The following DCUN1D3 variants were observed in gnomAD, a reference collection of about 807,000 sequenced individuals.
DCUN1D3 encodes the protein defective in cullin neddylation 1 domain containing 3.
Under a neutral mutation model 24.8 loss-of-function variants are expected in DCUN1D3, and 6 were observed. The observed-to-expected ratio is 0.24, with a 90% CI of 0.13 to 0.48. DCUN1D3 has a LOEUF of 0.48. Among genes scored for constraint, DCUN1D3 ranks in the 20% least tolerant of loss-of-function variants. The pLI, the probability that DCUN1D3 is intolerant of heterozygous loss-of-function variation, is 0.99. For synonymous variants in DCUN1D3, 120 were observed against 144.9 expected, an observed-to-expected ratio of 0.83 and a Z score of 1.24; for missense variants, 258 against 379.4, an observed-to-expected ratio of 0.68 and a Z score of 2.66.
In DCUN1D3 at chr16:20,858,261, C is replaced by G. The variant is rs1366655173; in HGVS notation, c.*1625G>C. 6.6e-6 allele frequency: 1 copy of G among 152,586 alleles called. No individual in the cohort carries two copies. The highest frequency in any genetic ancestry group is 1.5e-5 in the Non-Finnish European group (1 of 68,042). 9.5% of individuals were successfully genotyped at this position (152,586 alleles called of 1,614,324 possible). A position where few individuals can be genotyped will look rare whatever the true frequency, so the allele number is the denominator to read the frequency against. On this transcript the variant is annotated 3_prime_UTR_variant, in exon 3 of 3. Transcript: ENST00000324344. ...GTAGGCCCAGAGTGAGCTCCTCAGG[C>G]CCCTGTGGCAGCCTGGCCAAAGCTG...
At position 20,857,735 on chromosome 16, in the gene DCUN1D3, C is replaced by G. The variant is rs530329417; in HGVS notation, c.*2151G>C. Reference sequence around the variant, plus strand: ...GAAGCCAGGCATCTGGCCCAAGACCCCCTTCAGCTTTCTAGCAGTACTATA... The same window carrying G: ...GAAGCCAGGCATCTGGCCCAAGACCGCCTTCAGCTTTCTAGCAGTACTATA... On this transcript the variant is annotated 3_prime_UTR_variant, in exon 3 of 3. Coordinates refer to ENST00000324344, the MANE Select transcript of DCUN1D3 (RefSeq NM_173475.4). 10 of 152,282 alleles carry G rather than the reference C, an allele frequency of 6.6e-5. No homozygotes were observed. In the South Asian group the frequency reaches 2.1e-3, roughly 32 times the overall value. The allele number at this position is 152,282 out of a possible 1,614,324, so 9.4% of individuals were successfully genotyped here. A position where few individuals can be genotyped will look rare whatever the true frequency, so the allele number is the denominator to read the frequency against.
intron 1 of DCUN1D3, among the ~76,000 whole-genome samples, chr16:20,889,025 C>T (rs963972601): frequency 4.6e-5 from 7 of 152,098 alleles, no homozygotes; most frequent in African/African-American, 9.7e-5. Flanking sequence ...GTCAGGAATT[C>T]GAGACCAGTC....
intron 1 of DCUN1D3, among the ~76,000 whole-genome samples, chr16:20,871,900 G>A (rs2081790176): frequency 1.3e-5 from 2 of 152,140 alleles, no homozygotes; most frequent in African/African-American, 4.8e-5. Flanking sequence ...AGCTTTTCCA[G>A]TGACTTTCCC....
rs60644013 is a variant in DCUN1D3 at position 20,872,811 on chromosome 16, C to A, written c.-105-10168G>T. Among the ~76,000 whole-genome samples, 170 of 152,308 alleles carry A rather than the reference C, an allele frequency of 1.1e-3. 3 individuals are homozygous for A. The East Asian group carries it at 0.024, about 21-fold the overall frequency. ...ATATCCTTTCAGTCTTGCTTCACTG[C>A]GAATCACATCAAAAAGGCTAACCAG... On this transcript the variant is annotated intron_variant, in intron 1 of 2. Coordinates refer to ENST00000324344, the MANE Select transcript of DCUN1D3 (RefSeq NM_173475.4).
At position 20,860,425 on chromosome 16, in the gene DCUN1D3, A is replaced by G. The variant is rs1238826837; in HGVS notation, c.432-56T>C. ...ATTATAAACTATACTATTTACAGGCAATATACATAGTGATTAAGAGCAAGG... is the reference window on the plus strand; with the variant it reads ...ATTATAAACTATACTATTTACAGGCGATATACATAGTGATTAAGAGCAAGG... On this transcript the variant is annotated intron_variant, in intron 2 of 2. Transcript: ENST00000324344. This position sits in a 1 kb window ranked among gnomAD's most constrained non-coding sequence, Gnocchi z 4.3. 1.3e-6 allele frequency: 2 copies of G among 1,535,230 alleles called. No individual in the cohort carries two copies. The highest frequency in any genetic ancestry group is 4.5e-5 in the East Asian group (2 of 44,274).
chr16:20,856,279 A>T lies in DCUN1D3; in HGVS notation c.*3607T>A, dbSNP rs1471924219. The T allele has an allele frequency of 2.0e-5, 3 of 152,160 alleles. No homozygotes were observed. The highest frequency in any genetic ancestry group is 2.0e-4 in the Admixed American group (3 of 15,282). 9.4% of individuals were successfully genotyped at this position (152,160 alleles called of 1,614,324 possible). A position where few individuals can be genotyped will look rare whatever the true frequency, so the allele number is the denominator to read the frequency against. On this transcript the variant is annotated 3_prime_UTR_variant, in exon 3 of 3. Coordinates refer to ENST00000324344, the MANE Select transcript of DCUN1D3 (RefSeq NM_173475.4). ...TCTGTTTTGGTTTGTAAACTTTTAG[A>T]CAAGTTCTTATCCCAGTAACTCCCC...
Position 20,859,550 on chromosome 16 carries a change from AAAAAAAAAACAAAAAAAAAC to A in DCUN1D3, c.*316_*335del, listed in dbSNP as rs1282945721. ...TATGCCCTCCCCTACCAAAAAAAAA[AAAAAAAAAACAAAAAAAAAC>A]AAAAAAAAAACCTAAATTTGTGCAA... On this transcript the variant is annotated 3_prime_UTR_variant, in exon 3 of 3. Transcript: ENST00000324344. 6 of 173,018 alleles carry A rather than the reference AAAAAAAAAACAAAAAAAAAC, an allele frequency of 3.5e-5. No homozygotes were observed. The highest frequency in any genetic ancestry group is 1.5e-4 in the African/African-American group (6 of 38,824). 10.7% of individuals were successfully genotyped at this position (173,018 alleles called of 1,614,324 possible). A position where few individuals can be genotyped will look rare whatever the true frequency, so the allele number is the denominator to read the frequency against.
chr16:20,884,416 C>T (rs1370800136), intron 1 of DCUN1D3, among the ~76,000 whole-genome samples: 2 of 152,188 alleles, frequency 1.3e-5, no homozygotes, highest in South Asian at 4.1e-4. Context: ...CCTCCCCTTT[C>T]AGAATGTATC....
intron 1 of DCUN1D3, among the ~76,000 whole-genome samples, chr16:20,870,756 T>C (rs1029256238): frequency 6.6e-6 from 1 of 152,214 alleles, no homozygotes; most frequent in Non-Finnish European, 1.5e-5. Context: ...ATTAACAATA[T>C]AAAAAGCCCA....
In DCUN1D3 at chr16:20,895,116, G is replaced by A. The variant is rs186468018; in HGVS notation, c.-106+5088C>T. ...CATTGTATTTGGCTGTTGTTTTTGA[G>A]ATGGGGTCTTGCTCTGTCACCTAGG... On this transcript the variant is annotated intron_variant, in intron 1 of 2. Coordinates refer to ENST00000324344, the MANE Select transcript of DCUN1D3 (RefSeq NM_173475.4). Among the ~76,000 whole-genome samples, 96 of 152,288 alleles carry A rather than the reference G, an allele frequency of 6.3e-4. 1 individual carries two copies. Among genetic ancestry groups the A allele is most frequent in the Non-Finnish European group, 1.1e-3 (76 of 68,016 alleles).
Position 20,860,433 on chromosome 16 carries a change from T to C in DCUN1D3, c.432-64A>G, listed in dbSNP as rs1484795588. ...CTATACTATTTACAGGCAATATACATAGTGATTAAGAGCAAGGCTTTCAGG... is the reference window on the plus strand; with the variant it reads ...CTATACTATTTACAGGCAATATACACAGTGATTAAGAGCAAGGCTTTCAGG... On this transcript the variant is annotated intron_variant, in intron 2 of 2. Coordinates refer to ENST00000324344, the MANE Select transcript of DCUN1D3 (RefSeq NM_173475.4). This position sits in a 1 kb window ranked among gnomAD's most constrained non-coding sequence, Gnocchi z 4.3. 4.6e-6 allele frequency: 7 copies of C among 1,508,824 alleles called. No homozygotes were observed. The highest frequency in any genetic ancestry group is 6.2e-6 in the Non-Finnish European group (7 of 1,127,158). 93.5% of individuals were successfully genotyped at this position (1,508,824 alleles called of 1,614,324 possible). A position where few individuals can be genotyped will look rare whatever the true frequency, so the allele number is the denominator to read the frequency against.
At chr16:20,895,870 C>G (rs2081913406) in intron 1 of DCUN1D3, among the ~76,000 whole-genome samples, 1 of 152,174 alleles carries the variant, frequency 6.6e-6, no homozygotes, top group African/African-American at 2.4e-5. Context: ...CACGTCATTA[C>G]CATTGTTTCA....
rs1299925959 is a variant in DCUN1D3, at chr16:20,898,401, G to A, written c.-106+1803C>T. On this transcript the variant is annotated intron_variant, in intron 1 of 2. Transcript: ENST00000324344. ...ACTCCGATGTAAGCTCCATGAAAGGGTGAACCTTTTGCTTGTGTTCACCTG... is the reference window on the plus strand; with the variant it reads ...ACTCCGATGTAAGCTCCATGAAAGGATGAACCTTTTGCTTGTGTTCACCTG... Among the ~76,000 whole-genome samples the A allele has an allele frequency of 7.2e-5, 11 of 152,290 alleles. No individual in the cohort carries two copies. The East Asian group carries it at 2.1e-3, about 29-fold the overall frequency.
Position 20,857,672 on chromosome 16 carries a change from C to T in DCUN1D3, c.*2214G>A, listed in dbSNP as rs1287344602. On this transcript the variant is annotated 3_prime_UTR_variant, in exon 3 of 3. Coordinates refer to ENST00000324344, the MANE Select transcript of DCUN1D3 (RefSeq NM_173475.4). ...TGATCCCACAGAACCTGCTGGGACC[C>T]CTGGAGACTTATTCAAGAGTCTTAT... 1 of 152,154 alleles carries T rather than the reference C, an allele frequency of 6.6e-6. No individual in the cohort carries two copies. Among genetic ancestry groups the T allele is most frequent in the Admixed American group, 6.6e-5 (1 of 15,262 alleles). The allele number at this position is 152,154 out of a possible 1,614,324, so 9.4% of individuals were successfully genotyped here.
intron 1 of DCUN1D3, among the ~76,000 whole-genome samples, chr16:20,891,959 C>G (rs2081894165): frequency 6.6e-6 from 1 of 152,154 alleles, no homozygotes. Context: ...TGCAGCCTCT[C>G]CCAGCTAGAC....
chr16:20,883,656 C>A (rs1173299971), intron 1 of DCUN1D3, among the ~76,000 whole-genome samples: 1 of 152,070 alleles, frequency 6.6e-6, no homozygotes, highest in Non-Finnish European at 1.5e-5. Context: ...ATGAAAATAG[C>A]AAATATGCAA....
intron 1 of DCUN1D3, among the ~76,000 whole-genome samples, chr16:20,872,376 C>T (rs1447261576): frequency 6.6e-6 from 1 of 151,544 alleles, no homozygotes; most frequent in African/African-American, 2.4e-5. Flanking sequence ...TGGATGACCA[C>T]AAATGTAGAT....
chr16:20,879,682 A>G (rs1217640979), intron 1 of DCUN1D3, among the ~76,000 whole-genome samples: 1 of 152,232 alleles, frequency 6.6e-6, no homozygotes, highest in African/African-American at 2.4e-5. Flanking sequence ...AACAACAAAA[A>G]TTAATCTTCA....
At chr16:20,897,678 A>T (rs921542894) in intron 1 of DCUN1D3, among the ~76,000 whole-genome samples, 1 of 152,234 alleles carries the variant, frequency 6.6e-6, no homozygotes, top group South Asian at 2.1e-4. Flanking sequence ...ACTAGAACAC[A>T]TTCAGAGAAC....
Sources: gnomAD v4.1 joint callset for allele counts (sites outside exome capture counted in the v4.1 genomes callset) on GRCh38, gnomAD v4.1.1 for gene constraint, Gnocchi (gnomAD v3.1) non-coding constraint, MANE v1.5 for transcripts, NCBI Gene and HGNC (gene_info 2026-07-23, HGNC 2026-07-21) for gene names.